The following PACRG variants were observed in gnomAD, a reference collection of about 807,000 sequenced individuals.
PACRG encodes parkin coregulated gene protein.
A neutral mutation model predicts 29.7 loss-of-function variants in PACRG; 29 were observed. The observed-to-expected ratio is 0.98, with a 90% CI of 0.73 to 1.33. The LOEUF (loss-of-function observed/expected upper bound fraction) is 1.33. Ranked by LOEUF, PACRG falls within the 40% of genes most tolerant of loss-of-function variation. The probability of loss-of-function intolerance (pLI) is 0.00; values close to 1 mark genes in which losing one functional copy is unlikely to be tolerated. For missense variants in PACRG, 279 were observed against 316.2 expected, an observed-to-expected ratio of 0.88 and a Z score of 0.89; for synonymous variants, 116 against 118.7, an observed-to-expected ratio of 0.98 and a Z score of 0.15.
chr6:163,127,807 A>G (rs1235047233), intron 4 of PACRG, among the ~76,000 whole-genome samples: 1 of 152,242 alleles, frequency 6.6e-6, no homozygotes, highest in African/African-American at 2.4e-5. Context: ...CTTGTAGCTC[A>G]GAGTGCACAG....
At chr6:163,309,088 A>G (rs574704225) in intron 4 of PACRG, among the ~76,000 whole-genome samples, 1 of 152,214 alleles carries the variant, frequency 6.6e-6, no homozygotes. Flanking sequence ...CCCAGTGGGG[A>G]ACACATGGCA....
chr6:162,736,650 CT>C (rs35823927), intron 1 of PACRG, among the ~76,000 whole-genome samples: 224 of 140,456 alleles, frequency 1.6e-3, no homozygotes, highest in Middle Eastern at 3.9e-3. Flanking sequence ...TATTTTCTGC[CT>C]TTTTTTTTTT....
chr6:162,861,694 G>A (rs1791875767), intron 2 of PACRG, among the ~76,000 whole-genome samples: 1 of 152,142 alleles, frequency 6.6e-6, no homozygotes, highest in Admixed American at 6.6e-5. Context: ...CCATCGCATC[G>A]TGGAGATGCA....
At chr6:163,014,315 A>C (rs1340582858) in intron 2 of PACRG, among the ~76,000 whole-genome samples, 2 of 152,214 alleles carry the variant, frequency 1.3e-5, no homozygotes, top group African/African-American at 4.8e-5. Flanking sequence ...TGCAATAAGC[A>C]TGTGACTGTA....
At chr6:163,133,386 A>C (rs1816810018) in intron 4 of PACRG, among the ~76,000 whole-genome samples, 1 of 152,018 alleles carries the variant, frequency 6.6e-6, no homozygotes, top group African/African-American at 2.4e-5. Flanking sequence ...TGTGTACCTG[A>C]TGTTTATCAT....
At chr6:163,196,704 A>T (rs1345231858) in intron 4 of PACRG, among the ~76,000 whole-genome samples, 1 of 152,228 alleles carries the variant, frequency 6.6e-6, no homozygotes, top group Non-Finnish European at 1.5e-5. Flanking sequence ...ATAAACAGAT[A>T]CATGTGCACA....
intron 4 of PACRG, among the ~76,000 whole-genome samples, chr6:163,246,667 T>C (rs1309002518): frequency 6.6e-6 from 1 of 152,224 alleles, no homozygotes; most frequent in Non-Finnish European, 1.5e-5. Context: ...TTATGTGACG[T>C]TAGAAGCCAT....
intron 4 of PACRG, among the ~76,000 whole-genome samples, chr6:163,122,024 G>C (rs1045235221): frequency 2.0e-5 from 3 of 151,948 alleles, no homozygotes; most frequent in Non-Finnish European, 4.4e-5. Context: ...ATGCGGAGGA[G>C]TTTTTGGAAG....
intron 2 of PACRG, among the ~76,000 whole-genome samples, chr6:163,026,489 GATGT>G (rs1807142310): frequency 6.6e-6 from 1 of 152,204 alleles, no homozygotes; most frequent in African/African-American, 2.4e-5. Flanking sequence ...ATAATAGCTA[GATGT>G]ATGCTAGATT....
At chr6:163,033,647 C>A (rs1807878566) in intron 2 of PACRG, among the ~76,000 whole-genome samples, 1 of 152,136 alleles carries the variant, frequency 6.6e-6, no homozygotes, top group South Asian at 2.1e-4. Context: ...ACATCATACA[C>A]AGAATACATA....
chr6:163,190,827 T>C (rs1780178476), intron 4 of PACRG: 14 of 378,768 alleles, frequency 3.7e-5, no homozygotes, highest in South Asian at 2.8e-4. Context: ...CTTAACAACT[T>C]CGTCTTCTTT....
chr6:163,036,797 G>A (rs985997582), intron 2 of PACRG, among the ~76,000 whole-genome samples: 4 of 152,010 alleles, frequency 2.6e-5, no homozygotes, highest in African/African-American at 9.7e-5. Flanking sequence ...ATTAACTAAA[G>A]AGCAATTTAT....
intron 2 of PACRG, among the ~76,000 whole-genome samples, chr6:162,865,096 C>T (rs1792186713): frequency 6.6e-6 from 1 of 152,150 alleles, no homozygotes; most frequent in East Asian, 1.9e-4. Context: ...GTAATATACT[C>T]CCTCTAGGAC....
At chr6:163,103,677 T>C (rs1383804809) in intron 4 of PACRG, among the ~76,000 whole-genome samples, 3 of 152,228 alleles carry the variant, frequency 2.0e-5, no homozygotes, top group Admixed American at 2.0e-4. Context: ...GAGGAACATC[T>C]GTAGAATTGA....
intron 4 of PACRG, among the ~76,000 whole-genome samples, chr6:163,156,877 G>A (rs1029325667): frequency 5.3e-5 from 8 of 152,074 alleles, no homozygotes; most frequent in African/African-American, 1.9e-4. Flanking sequence ...CTGTCATCTT[G>A]TGCCTCACTC....
intron 2 of PACRG, among the ~76,000 whole-genome samples, chr6:162,886,382 C>G (rs1378068965): frequency 1.3e-5 from 2 of 152,202 alleles, no homozygotes; most frequent in African/African-American, 4.8e-5. Flanking sequence ...CTTCTGTCCT[C>G]ATTTATTCCG....
intron 3 of PACRG, among the ~76,000 whole-genome samples, chr6:163,070,461 G>A (rs889852381): frequency 6.6e-6 from 1 of 151,868 alleles, no homozygotes; most frequent in African/African-American, 2.4e-5. Flanking sequence ...ATTCATTTAT[G>A]CAAACAGTAT....
At chr6:162,833,348 T>A (rs1380226905) in intron 2 of PACRG, among the ~76,000 whole-genome samples, 1 of 152,180 alleles carries the variant, frequency 6.6e-6, no homozygotes, top group African/African-American at 2.4e-5. Context: ...TTTCTTCTAG[T>A]AACTGCCTCA....
intron 2 of PACRG, among the ~76,000 whole-genome samples, chr6:162,901,116 A>T (rs962559030): frequency 4.9e-4 from 75 of 152,356 alleles, no homozygotes; most frequent in African/African-American, 1.7e-3. Flanking sequence ...ACCAGGAGAG[A>T]TAAGACATCC....
Sources: gnomAD v4.1 joint callset for allele counts (sites outside exome capture counted in the v4.1 genomes callset) on GRCh38, gnomAD v4.1.1 for gene constraint, MANE v1.5 for transcripts, NCBI Gene and HGNC (gene_info 2026-07-23, HGNC 2026-07-21) for gene names.